Variants in ACOT12 observed in about 807,000 individuals in gnomAD.
The protein encoded by ACOT12 is acyl-CoA thioesterase 12.
A neutral mutation model predicts 67.7 loss-of-function variants in ACOT12; 51 were observed. The observed-to-expected ratio is 0.75, with a 90% CI of 0.60 to 0.95. The LOEUF is 0.95. ACOT12 is among the 40% of genes least tolerant of loss of function. ACOT12 has a pLI of 0.00. For synonymous variants in ACOT12, 251 were observed against 244.6 expected (o/e 1.03, Z -0.24); for missense variants, 734 against 708.1 (o/e 1.04, Z -0.41).
At chr5:81,322,051 C>G in the ACOT12 span, among the ~76,000 whole-genome samples, 179 of 152,202 alleles carry the variant, frequency 1.2e-3, 5 homozygotes, top group Admixed American at 7.2e-4. Context: ...AAGGGGTTAA[C>G]AGACATTGAG....
chr5:81,321,949 A>G, the ACOT12 span, among the ~76,000 whole-genome samples: 1 of 152,278 alleles, frequency 6.6e-6, no homozygotes, highest in East Asian at 1.9e-4. Context: ...TCTGTCTCAA[A>G]AAGAAAGATA....
At chr5:81,366,434 C>T (rs926987041) in intron 3 of ACOT12, among the ~76,000 whole-genome samples, 1 of 151,974 alleles carries the variant, frequency 6.6e-6, no homozygotes, top group Non-Finnish European at 1.5e-5. Context: ...ATATAAGCAC[C>T]ATGAACTCAG....
intron 11 of ACOT12, among the ~76,000 whole-genome samples, chr5:81,342,251 A>G (rs1285339444): frequency 1.3e-5 from 2 of 152,218 alleles, no homozygotes; most frequent in East Asian, 3.8e-4. Flanking sequence ...TTGGCCTCCC[A>G]AAGTACTAGG....
At chr5:81,368,824 AT>A (rs1760157970) in intron 3 of ACOT12, among the ~76,000 whole-genome samples, 1 of 152,202 alleles carries the variant, frequency 6.6e-6, no homozygotes, top group East Asian at 1.9e-4. Context: ...AATCAAATAT[AT>A]TATGCTAAGT....
At chr5:81,327,209 C>T (rs577914188), downstream of ACOT12, among the ~76,000 whole-genome samples, 10 of 101,366 alleles carry the variant, frequency 9.9e-5, no homozygotes, top group Admixed American at 5.7e-4. Context: ...AATATATATA[C>T]ACACACACAC....
At chr5:81,334,416 C>T (rs532020951) in intron 12 of ACOT12, among the ~76,000 whole-genome samples, 1 of 152,280 alleles carries the variant, frequency 6.6e-6, no homozygotes, top group African/African-American at 2.4e-5. Context: ...ACACTCCCCA[C>T]GACTTAAGCG....
At chr5:81,335,747 A>G in intron 12 of ACOT12, 21 bp downstream of exon 12, 1 of 1,601,514 alleles carries the variant, frequency 6.2e-7, no homozygotes, top group Non-Finnish European at 8.5e-7. Flanking sequence ...GATTGAGAAA[A>G]ATTTTTAAAT....
intron 11 of ACOT12, among the ~76,000 whole-genome samples, chr5:81,337,589 T>C (rs1759044858): frequency 1.3e-5 from 2 of 152,164 alleles, no homozygotes; most frequent in Admixed American, 1.3e-4. Context: ...ACACATGTGA[T>C]GACAAGGGTG....
the ACOT12 span, among the ~76,000 whole-genome samples, chr5:81,321,136 G>T: frequency 6.6e-6 from 1 of 152,172 alleles, no homozygotes; most frequent in East Asian, 1.9e-4. Context: ...TGCACCTGTA[G>T]TCCCAGCTAC....
intron 5 of ACOT12, among the ~76,000 whole-genome samples, chr5:81,350,413 C>G (rs771933513): frequency 1.3e-5 from 2 of 152,182 alleles, no homozygotes; most frequent in Non-Finnish European, 2.9e-5. Flanking sequence ...TAAGCCTCTT[C>G]ATCTTACTTG....
At chr5:81,367,402 C>T (rs919923012) in intron 3 of ACOT12, among the ~76,000 whole-genome samples, 5 of 151,980 alleles carry the variant, frequency 3.3e-5, no homozygotes, top group Non-Finnish European at 4.4e-5. Context: ...ATGTAAAAGG[C>T]ATGACAATAA....
intron 2 of ACOT12, among the ~76,000 whole-genome samples, chr5:81,382,706 G>A (rs1760618965): frequency 6.6e-6 from 1 of 152,004 alleles, no homozygotes; most frequent in South Asian, 2.1e-4. Context: ...GGAGGCTGAG[G>A]CAGGAGAATC....
chr5:81,359,642 AC>A (rs1312628851), intron 5 of ACOT12, among the ~76,000 whole-genome samples: 2 of 152,194 alleles, frequency 1.3e-5, no homozygotes, highest in Non-Finnish European at 2.9e-5. Context: ...ATACATGCTT[AC>A]TAATGACTGC....
intron 11 of ACOT12, among the ~76,000 whole-genome samples, chr5:81,340,126 C>T (rs1759144540): frequency 6.6e-6 from 1 of 151,704 alleles, no homozygotes; most frequent in South Asian, 2.1e-4. Context: ...CAACCTCTGC[C>T]TCCCAGGTTC....
chr5:81,348,042 G>C (rs1759436817), intron 5 of ACOT12, 112 bp from the exon 6 acceptor site: 7 of 1,231,476 alleles, frequency 5.7e-6, no homozygotes, highest in Non-Finnish European at 7.9e-6. Context: ...AAATTAAAGT[G>C]TTCTCAAAGC....
rs765025624 is a variant in ACOT12, at chr5:81,394,010, G to T, written c.105C>A (p.Ile35=). The T allele has an allele frequency of 1.4e-6, 2 of 1,430,942 alleles. No homozygotes were observed. The highest frequency in any genetic ancestry group is 5.1e-5 in the Admixed American group (2 of 38,864). 88.6% of individuals were successfully genotyped at this position (1,430,942 alleles called of 1,614,324 possible). ...TACCCGCCAGGCAGGCGGTGGTGTC[G>T]ATCCACTTGAGCAGCTGCCCCGCGC... ...ELSAGQLLKW[I]DTTACLAAEK... The change falls in exon 1 of 15, where the codon ATC becomes ATA. Residue 35 remains isoleucine, a synonymous_variant. Coordinates refer to ENST00000307624, the MANE Select transcript of ACOT12 (RefSeq NM_130767.3).
At chr5:81,375,261 A>G (rs1001614269) in intron 2 of ACOT12, among the ~76,000 whole-genome samples, 6 of 152,196 alleles carry the variant, frequency 3.9e-5, no homozygotes, top group African/African-American at 1.4e-4. Flanking sequence ...AGCGAAGCAG[A>G]AATAAAATCC....
At chr5:81,380,576 AAAAAG>A (rs917526592) in intron 2 of ACOT12, among the ~76,000 whole-genome samples, 15 of 126,012 alleles carry the variant, frequency 1.2e-4, no homozygotes, top group South Asian at 4.6e-4. Context: ...AAAAAAAAAA[AAAAAG>A]AAAAGAAATC....
intron 8 of ACOT12, among the ~76,000 whole-genome samples, 158 bp downstream of exon 8, chr5:81,344,733 G>A (rs891312330): frequency 1.3e-5 from 2 of 151,988 alleles, no homozygotes; most frequent in Non-Finnish European, 2.9e-5. Flanking sequence ...TGATCGGGGG[G>A]AAAAGGAAAA....
Sources: gnomAD v4.1 joint callset for allele counts (sites outside exome capture counted in the v4.1 genomes callset) on GRCh38, gnomAD v4.1.1 for gene constraint, MANE v1.5 for transcripts, NCBI Gene and HGNC (gene_info 2026-07-23, HGNC 2026-07-21) for gene names.